PDGFC: variants seen among roughly 807,000 people sequenced by gnomAD.
The protein encoded by PDGFC is platelet derived growth factor C.
PDGFC carries 12 observed loss-of-function variants against 35.5 expected under a neutral mutation model. The ratio of observed to expected loss-of-function variants is 0.34; its 90% CI spans 0.22 to 0.55. PDGFC has a LOEUF of 0.55. Among genes scored for constraint, PDGFC ranks in the 20% least tolerant of loss-of-function variants. The pLI, the probability that PDGFC is intolerant of heterozygous loss-of-function variation, is 0.91. For missense variants in PDGFC, 322 were observed against 412.4 expected (o/e 0.78, Z 1.90); for synonymous variants, 159 against 148.8 (o/e 1.07, Z -0.50).
intron 2 of PDGFC, among the ~76,000 whole-genome samples, chr4:156,823,891 T>C (rs1381359635): frequency 6.6e-6 from 1 of 152,142 alleles, no homozygotes; most frequent in South Asian, 2.1e-4. Flanking sequence ...ATTGGAATAC[T>C]ATACAGCCTT....
chr4:156,865,994 T>C (rs1002702011), intron 1 of PDGFC, among the ~76,000 whole-genome samples: 3 of 152,226 alleles, frequency 2.0e-5, no homozygotes, highest in Non-Finnish European at 4.4e-5. Flanking sequence ...TTAGGGTACA[T>C]GTGCACAACG....
intron 1 of PDGFC, among the ~76,000 whole-genome samples, chr4:156,959,909 G>A (rs1732300408): frequency 6.6e-6 from 1 of 151,872 alleles, no homozygotes; most frequent in Admixed American, 6.6e-5. Flanking sequence ...CCTATTCAAA[G>A]TTATCAGTAC....
chr4:156,819,527 T>C (rs1254212987), intron 2 of PDGFC, among the ~76,000 whole-genome samples: 1 of 152,226 alleles, frequency 6.6e-6, no homozygotes, highest in Non-Finnish European at 1.5e-5. Flanking sequence ...ATGGCACATT[T>C]GTTTACAGCA....
chr4:156,829,134 T>C (rs185390389), intron 2 of PDGFC, among the ~76,000 whole-genome samples: 31 of 152,258 alleles, frequency 2.0e-4, no homozygotes, highest in African/African-American at 7.0e-4. Context: ...ATGTTAAAAG[T>C]AGGAAAACAA....
intron 1 of PDGFC, among the ~76,000 whole-genome samples, chr4:156,915,362 T>G (rs147269232): frequency 1.2e-4 from 18 of 152,288 alleles, no homozygotes; most frequent in African/African-American, 4.1e-4. Flanking sequence ...CCCATCCACC[T>G]AATTGGCTGA....
At chr4:156,862,252 T>C (rs1202887994) in intron 1 of PDGFC, among the ~76,000 whole-genome samples, 1 of 152,148 alleles carries the variant, frequency 6.6e-6, no homozygotes, top group South Asian at 2.1e-4. Context: ...ACAGAAGTGT[T>C]TGACAATTGC....
chr4:156,820,911 C>A (rs569456345), intron 2 of PDGFC, among the ~76,000 whole-genome samples: 6 of 152,252 alleles, frequency 3.9e-5, no homozygotes, highest in African/African-American at 1.2e-4. Context: ...AAGGATAGGG[C>A]TGGCCATTCT....
intron 2 of PDGFC, among the ~76,000 whole-genome samples, chr4:156,811,305 TC>T (rs1731927012): frequency 6.6e-6 from 1 of 152,116 alleles, no homozygotes; most frequent in South Asian, 2.1e-4. Flanking sequence ...AGCAACCCTA[TC>T]TGACATTCGA....
chr4:156,844,407 C>T (rs889331265), intron 2 of PDGFC, among the ~76,000 whole-genome samples: 1 of 151,982 alleles, frequency 6.6e-6, no homozygotes, highest in African/African-American at 2.4e-5. Flanking sequence ...ACTGAAGCAA[C>T]AGAAAATGAG....
At chr4:156,893,574 T>A (rs544729863) in intron 1 of PDGFC, among the ~76,000 whole-genome samples, 1 of 151,802 alleles carries the variant, frequency 6.6e-6, no homozygotes, top group African/African-American at 2.4e-5. Context: ...TGGCCTCGAG[T>A]GATCCTCCTA....
chr4:156,779,599 G>A (rs1307205658), intron 3 of PDGFC, among the ~76,000 whole-genome samples: 5 of 152,156 alleles, frequency 3.3e-5, no homozygotes, highest in East Asian at 1.9e-4. Flanking sequence ...GAAAAACCCC[G>A]GAGAGCAGAA....
In PDGFC at chr4:156,819,811, G is replaced by A. The variant is rs528528199; in HGVS notation, c.315-8794C>T. Among the ~76,000 whole-genome samples, 3 of 152,218 alleles carry A rather than the reference G, an allele frequency of 2.0e-5. No individual in the cohort carries two copies. In the South Asian group the frequency reaches 6.2e-4, roughly 32 times the overall value. ...AGCTGCCATGGATAGTAATTCCTCT[G>A]GTGAATCTGGGCAGAGTAAACTGAA... On this transcript the variant is annotated intron_variant, in intron 2 of 5. Transcript: ENST00000502773.
chr4:156,929,966 T>C (rs1731513699), intron 1 of PDGFC, among the ~76,000 whole-genome samples: 1 of 152,228 alleles, frequency 6.6e-6, no homozygotes, highest in African/African-American at 2.4e-5. Flanking sequence ...CACATGGTGA[T>C]ATGCCAGATG....
chr4:156,776,456 G>A (rs1321879648), intron 3 of PDGFC, among the ~76,000 whole-genome samples: 1 of 152,224 alleles, frequency 6.6e-6, no homozygotes, highest in Non-Finnish European at 1.5e-5. Flanking sequence ...GTTCTGCAAT[G>A]TAGACAACTA....
chr4:156,959,281 C>T (rs1369121921), intron 1 of PDGFC, among the ~76,000 whole-genome samples: 1 of 151,826 alleles, frequency 6.6e-6, no homozygotes, highest in East Asian at 1.9e-4. Context: ...AAAAAATAAG[C>T]TTGCAACCTC....
At chr4:156,948,359 G>A (rs1296818523) in intron 1 of PDGFC, among the ~76,000 whole-genome samples, 1 of 151,890 alleles carries the variant, frequency 6.6e-6, no homozygotes, top group Non-Finnish European at 1.5e-5. Context: ...GATAATTGTT[G>A]TGATGGCTCT....
chr4:156,798,548 C>T (rs1261491504), intron 3 of PDGFC, among the ~76,000 whole-genome samples: 1 of 152,168 alleles, frequency 6.6e-6, no homozygotes, highest in African/African-American at 2.4e-5. Flanking sequence ...GAGAGTTCTT[C>T]ATATTACTTT....
intron 1 of PDGFC, among the ~76,000 whole-genome samples, chr4:156,866,154 T>C (rs1295289556): frequency 1.3e-5 from 2 of 152,084 alleles, no homozygotes; most frequent in African/African-American, 4.8e-5. Flanking sequence ...CCCCTTCCTG[T>C]GTCCATGTGT....
intron 1 of PDGFC, among the ~76,000 whole-genome samples, chr4:156,890,398 C>T (rs1730475178): frequency 6.6e-6 from 1 of 152,176 alleles, no homozygotes; most frequent in Non-Finnish European, 1.5e-5. Flanking sequence ...TGTGTACCTC[C>T]TCATGCCAGG....
Sources: gnomAD v4.1 joint callset for allele counts (sites outside exome capture counted in the v4.1 genomes callset) on GRCh38, gnomAD v4.1.1 for gene constraint, MANE v1.5 for transcripts, NCBI Gene and HGNC (gene_info 2026-07-23, HGNC 2026-07-21) for gene names.